KDM1B: variants seen among roughly 807,000 people sequenced by gnomAD.
The protein encoded by KDM1B is lysine demethylase 1B.
A neutral mutation model predicts 107.4 loss-of-function variants in KDM1B; 63 were observed. That is an observed-to-expected ratio of 0.59 (90% CI 0.48 to 0.72). The LOEUF (loss-of-function observed/expected upper bound fraction) is 0.72. Among genes scored for constraint, KDM1B ranks in the 30% least tolerant of loss-of-function variants. KDM1B has a pLI of 0.00. For missense variants in KDM1B, 749 were observed against 1,020.8 expected, an observed-to-expected ratio of 0.73 and a Z score of 3.63; for synonymous variants, 363 against 363.9, an observed-to-expected ratio of 1.00 and a Z score of 0.03.
chr6:18,215,204 C>T (rs151095747), intron 20 of KDM1B, 75 bp downstream of exon 20: 1 of 1,495,746 alleles, frequency 6.7e-7, no homozygotes, highest in Non-Finnish European at 8.9e-7. Context: ...GCCCAAGCAG[C>T]CAGCGTCACT....
chr6:18,186,105 T>C lies in KDM1B; in HGVS notation c.573+295T>C, dbSNP rs1786834986. Among the ~76,000 whole-genome samples the C allele has an allele frequency of 6.6e-6, 1 of 152,190 alleles. No individual in the cohort carries two copies. The highest frequency in any genetic ancestry group is 2.4e-5 in the African/African-American group (1 of 41,450). On this transcript the variant is annotated intron_variant, in intron 8 of 21. Coordinates refer to ENST00000650836, the MANE Select transcript of KDM1B (RefSeq NM_001364614.2). This position sits in a 1 kb window ranked among gnomAD's most constrained non-coding sequence, Gnocchi z 5.6. ...TAGGGCTCAGGCTTGCTGTACTTGT[T>C]TTTCAAGGATGACTTTGTGACCTTT...
intron 7 of KDM1B, among the ~76,000 whole-genome samples, chr6:18,182,290 A>G (rs1561923624): frequency 6.6e-6 from 1 of 152,078 alleles, no homozygotes; most frequent in African/African-American, 2.4e-5. Flanking sequence ...GTATGAATCG[A>G]TTACTCTCCA....
intron 10 of KDM1B, among the ~76,000 whole-genome samples, chr6:18,193,295 TTTC>T (rs1345647950): frequency 2.1e-4 from 30 of 139,992 alleles, no homozygotes; most frequent in African/African-American, 8.8e-4. Context: ...AAATGTGTGC[TTTC>T]TTTTTTTTTT....
rs995904384 is a variant in KDM1B, at chr6:18,172,155, T to A, written c.534+676T>A. Among the ~76,000 whole-genome samples, 2 of 152,200 alleles carry A rather than the reference T, an allele frequency of 1.3e-5. No individual in the cohort carries two copies. The highest frequency in any genetic ancestry group is 2.9e-5 in the Non-Finnish European group (2 of 68,038). On this transcript the variant is annotated intron_variant, in intron 7 of 21. Coordinates refer to ENST00000650836, the MANE Select transcript of KDM1B (RefSeq NM_001364614.2). The surrounding 1 kb of genome is among the most constrained non-coding windows in gnomAD (Gnocchi z 5.2). ...GTGAGGAAGAAAAGATTAATTGATA[T>A]GCTTGGCAATTAGGAATCGGCCATC...
intron 17 of KDM1B, among the ~76,000 whole-genome samples, chr6:18,210,220 A>T (rs1252774451): frequency 6.6e-6 from 1 of 152,164 alleles, no homozygotes; most frequent in Non-Finnish European, 1.5e-5. Context: ...AACCTCCAGC[A>T]GACTAACTCA....
rs1320983414 is a variant in KDM1B at position 18,159,004 on chromosome 6, G to A, written c.-13-879G>A. 1.3e-5 allele frequency among the ~76,000 whole-genome samples: 2 copies of A among 152,210 alleles called. No individual in the cohort carries two copies. The highest frequency in any genetic ancestry group is 2.9e-5 in the Non-Finnish European group (2 of 68,040). On this transcript the variant is annotated intron_variant, in intron 2 of 21. Transcript: ENST00000650836. The surrounding 1 kb of genome is among the most constrained non-coding windows in gnomAD (Gnocchi z 4.5). Reference sequence around the variant, plus strand: ...TTTTTTTGAGATGGAGTCTTGCTCTGTTGCCCAGGCTGGAGTGCAGTAGCA... The same window carrying A: ...TTTTTTTGAGATGGAGTCTTGCTCTATTGCCCAGGCTGGAGTGCAGTAGCA...
chr6:18,171,179 A>T (rs1019375576), intron 6 of KDM1B, among the ~76,000 whole-genome samples, 184 bp from the exon 7 acceptor site: 42 of 152,200 alleles, frequency 2.8e-4, no homozygotes, highest in Non-Finnish European at 7.3e-5. Context: ...ACCCTGAGGA[A>T]GTATTAAATC....
At chr6:18,174,993 C>T (rs377261023) in intron 7 of KDM1B, among the ~76,000 whole-genome samples, 1 of 152,152 alleles carries the variant, frequency 6.6e-6, no homozygotes, top group African/African-American at 2.4e-5. Flanking sequence ...TTCTTTTCCT[C>T]TGGATACCCA....
intron 6 of KDM1B, among the ~76,000 whole-genome samples, chr6:18,168,880 T>C (rs1785483564): frequency 1.3e-5 from 2 of 152,220 alleles, no homozygotes; most frequent in African/African-American, 4.8e-5. Context: ...TGTTTTGTTT[T>C]GTCGTCTTTG....
intron 9 of KDM1B, among the ~76,000 whole-genome samples, chr6:18,188,857 C>G (rs1327656974): frequency 6.6e-6 from 1 of 151,476 alleles, no homozygotes; most frequent in Non-Finnish European, 1.5e-5. Context: ...GATCTTGGCT[C>G]CCTGCAACCT....
chr6:18,204,100 A>G lies in KDM1B; in HGVS notation c.1532-1437A>G, dbSNP rs1788218608. 6.6e-6 allele frequency among the ~76,000 whole-genome samples: 1 copy of G among 152,094 alleles called. No homozygotes were observed. Among genetic ancestry groups the G allele is most frequent in the East Asian group, 1.9e-4 (1 of 5,182 alleles). On this transcript the variant is annotated intron_variant, in intron 14 of 21. Transcript: ENST00000650836. The surrounding 1 kb of genome is among the most constrained non-coding windows in gnomAD (Gnocchi z 4.9). Reference sequence around the variant, plus strand: ...GCATCCGCATGTTACAATCTAGTGCAAGAACTGAACATTTTGATGAAAGCC... The same window carrying G: ...GCATCCGCATGTTACAATCTAGTGCGAGAACTGAACATTTTGATGAAAGCC...
chr6:18,210,363 T>TTTG (rs1788770612), intron 17 of KDM1B, among the ~76,000 whole-genome samples: 4 of 105,384 alleles, frequency 3.8e-5, no homozygotes, highest in Admixed American at 1.1e-4. Context: ...TTTTTTTTTT[T>TTTG]TTTTTTTTTG....
intron 21 of KDM1B, among the ~76,000 whole-genome samples, chr6:18,221,284 C>T (rs1201829143): frequency 6.6e-6 from 1 of 152,178 alleles, no homozygotes; most frequent in African/African-American, 2.4e-5. Context: ...ACAGCCACAT[C>T]TCAGACCTTG....
chr6:18,194,022 C>T lies in KDM1B; in HGVS notation c.969+2641C>T, dbSNP rs149895877. ...CTGAGTAGCTGGGATTACAGGTGTG[C>T]GCCACCAAACCCGGCTAATTTTTTT... is the stretch of plus-strand genomic sequence containing the variant. On this transcript the variant is annotated intron_variant, in intron 10 of 21. Transcript: ENST00000650836. Among the ~76,000 whole-genome samples the T allele has an allele frequency of 6.1e-3, 930 of 152,068 alleles. 8 individuals carry two copies. Among genetic ancestry groups the T allele is most frequent in the African/African-American group, 0.021 (875 of 41,468 alleles).
At position 18,187,968 on chromosome 6, in the gene KDM1B, G is replaced by A; in HGVS notation, c.750G>A (p.Lys250=). Residue 250 remains lysine, a synonymous_variant, in exon 9 of 22, where the codon AAG becomes AAA. Coordinates refer to ENST00000650836, the MANE Select transcript of KDM1B (RefSeq NM_001364614.2). ...AAATGNASPG[K]LEHSKAALSV... is the part of the protein sequence containing the mutation. ...CCACTGGCAATGCCAGCCCTGGGAA[G>A]CTGGAGCACTCCAAGGCTGCCCTCT... 6.4e-7 allele frequency: 1 copy of A among 1,550,526 alleles called. No individual in the cohort carries two copies. The highest frequency in any genetic ancestry group is 8.7e-7 in the Non-Finnish European group (1 of 1,147,002).
rs1239137395 is a variant in KDM1B at position 18,214,797 on chromosome 6, C to T, written c.2110-210C>T. ...TGGTGGCAGACGCCTGTAATCCCAG[C>T]TACTCTGGAGGCTGAGGCAGGAGAA... On this transcript the variant is annotated intron_variant, in intron 19 of 21. Coordinates refer to ENST00000650836, the MANE Select transcript of KDM1B (RefSeq NM_001364614.2). The surrounding 1 kb of genome is among the most constrained non-coding windows in gnomAD (Gnocchi z 4.4). 1.3e-5 allele frequency among the ~76,000 whole-genome samples: 2 copies of T among 152,168 alleles called. No individual in the cohort carries two copies. The highest frequency in any genetic ancestry group is 2.9e-5 in the Non-Finnish European group (2 of 68,028).
Position 18,205,068 on chromosome 6 carries a change from T to G in KDM1B, c.1532-469T>G, listed in dbSNP as rs1788284137. 6.6e-6 allele frequency among the ~76,000 whole-genome samples: 1 copy of G among 152,240 alleles called. No homozygotes were observed. Among genetic ancestry groups the G allele is most frequent in the Non-Finnish European group, 1.5e-5 (1 of 68,044 alleles). ...TGGAATATTCTTGTTTGGGACAGACTGTAGCCAATAGGTTACAGGTCTCTT... is the reference window on the plus strand; with the variant it reads ...TGGAATATTCTTGTTTGGGACAGACGGTAGCCAATAGGTTACAGGTCTCTT... On this transcript the variant is annotated intron_variant, in intron 14 of 21. Coordinates refer to ENST00000650836, the MANE Select transcript of KDM1B (RefSeq NM_001364614.2). The surrounding 1 kb of genome is among the most constrained non-coding windows in gnomAD (Gnocchi z 5.7).
At position 18,207,056 on chromosome 6, in the gene KDM1B, TG is replaced by T. The variant is rs1342765285; in HGVS notation, c.1660-341del. Among the ~76,000 whole-genome samples the T allele has an allele frequency of 6.6e-5, 10 of 152,294 alleles. No individual in the cohort carries two copies. In the East Asian group the frequency reaches 1.7e-3, roughly 26 times the overall value. On this transcript the variant is annotated intron_variant, in intron 15 of 21. Coordinates refer to ENST00000650836, the MANE Select transcript of KDM1B (RefSeq NM_001364614.2). ...GGGTTTCTATTCTGTAGAGCTTCCA[TG>T]TTGAGGACAGATAGCATATTTATAT...
At chr6:18,221,863 AC>A (rs770545199) in intron 21 of KDM1B, 45 bp from the exon 22 acceptor site, 1 of 1,431,456 alleles carries the variant, frequency 7.0e-7, no homozygotes, top group East Asian at 2.3e-5. Context: ...TTTGATATCA[AC>A]TCAACTCTAT....
Sources: gnomAD v4.1 joint callset for allele counts (sites outside exome capture counted in the v4.1 genomes callset) on GRCh38, gnomAD v4.1.1 for gene constraint, Gnocchi (gnomAD v3.1) non-coding constraint, MANE v1.5 for transcripts, NCBI Gene and HGNC (gene_info 2026-07-23, HGNC 2026-07-21) for gene names.